Variants in NCOA2 observed in about 807,000 individuals in gnomAD.
The protein encoded by NCOA2 is class E basic helix-loop-helix protein 75.
Under a neutral mutation model 145.1 loss-of-function variants are expected in NCOA2, and 21 were observed. That is an observed-to-expected ratio of 0.14 (90% CI 0.10 to 0.21). The LOEUF (loss-of-function observed/expected upper bound fraction) is 0.21. Among genes scored for constraint, NCOA2 ranks in the 10% least tolerant of loss-of-function variants. The probability of loss-of-function intolerance (pLI) is 1.00; values close to 1 mark genes in which losing one functional copy is unlikely to be tolerated. For synonymous variants in NCOA2, 619 were observed against 637.5 expected (o/e 0.97, Z 0.44); for missense variants, 1,472 against 1,837.6 (o/e 0.80, Z 3.64).
intron 4 of NCOA2, among the ~76,000 whole-genome samples, chr8:70,212,010 G>A (rs994491376): frequency 5.3e-5 from 8 of 150,770 alleles, no homozygotes; most frequent in African/African-American, 2.0e-4. Context: ...GTTTGAAGGG[G>A]GAATTACCAA....
intron 10 of NCOA2, among the ~76,000 whole-genome samples, chr8:70,159,244 T>TATATATATATATATATATGTATATA: frequency 4.3e-5 from 3 of 69,304 alleles, no homozygotes; most frequent in African/African-American, 1.6e-4. Context: ...ATATATATAT[T>TATATATATATATATATATGTATATA]TTTTTTTTTT....
rs774576238 is a variant in NCOA2, at chr8:70,335,155, A to AAAAAAAAAAT, written c.-76-38356_-76-38355insATTTTTTTTT. Reference sequence around the variant, plus strand: ...AAAAAAAAAAAAAAAAAAAAAAAAGATCTCTCCCTATGACCATTTTCTCAG... The same window carrying AAAAAAAAAAT: ...AAAAAAAAAAAAAAAAAAAAAAAAGAAAAAAAAAATTCTCTCCCTATGACCATTTTCTCAG... On this transcript the variant is annotated intron_variant, in intron 1 of 22. Transcript: ENST00000452400. Among the ~76,000 whole-genome samples, 17 of 115,384 alleles carry AAAAAAAAAAT rather than the reference A, an allele frequency of 1.5e-4. 1 individual carries two copies. The South Asian group carries it at 3.1e-3, about 21-fold the overall frequency. 75.7% of individuals were successfully genotyped at this position (115,384 alleles called of 152,430 possible).
At chr8:70,397,940 A>G (rs1164767638) in intron 1 of NCOA2, among the ~76,000 whole-genome samples, 1 of 152,216 alleles carries the variant, frequency 6.6e-6, no homozygotes, top group Non-Finnish European at 1.5e-5. Context: ...TTAGTACTAA[A>G]GCAAATTGAA....
rs143470389 is a variant in NCOA2 at position 70,170,619 on chromosome 8, A to C, written c.364-240T>G. 8.7e-3 allele frequency among the ~76,000 whole-genome samples: 1,324 copies of C among 152,308 alleles called. 19 individuals carry two copies. Among genetic ancestry groups the C allele is most frequent in the African/African-American group, 0.03 (1,255 of 41,560 alleles). On this transcript the variant is annotated intron_variant, in intron 5 of 22. Transcript: ENST00000452400. ...AGACTAGGGTTTCTTGTCACAAACT[A>C]AACGACCAACACTAACTCCATTAAT...
intron 14 of NCOA2, among the ~76,000 whole-genome samples, chr8:70,139,242 G>C (rs952641199): frequency 3.3e-5 from 5 of 152,096 alleles, no homozygotes; most frequent in Non-Finnish European, 7.4e-5. Flanking sequence ...TGAATTAATA[G>C]CTTTTGGAGT....
chr8:70,161,224 C>T (rs1030739824), intron 9 of NCOA2, among the ~76,000 whole-genome samples: 15 of 152,194 alleles, frequency 9.9e-5, no homozygotes, highest in African/African-American at 3.6e-4. Context: ...TAGTGCAGTG[C>T]CTGATCCATC....
chr8:70,183,529 C>T (rs1404967094), intron 4 of NCOA2, among the ~76,000 whole-genome samples: 1 of 152,192 alleles, frequency 6.6e-6, no homozygotes, highest in Non-Finnish European at 1.5e-5. Flanking sequence ...GCGCAGTAAA[C>T]CTCATCTCCC....
the NCOA2 span, among the ~76,000 whole-genome samples, chr8:70,440,955 A>G: frequency 6.6e-6 from 1 of 150,652 alleles, no homozygotes; most frequent in East Asian, 1.9e-4. Flanking sequence ...AAGAAGAAAG[A>G]AAGAAAAGAA....
chr8:70,402,604 GGCCCGAGAGGGCCGGGTCCCCGT>G (rs1814410033), intron 1 of NCOA2: 1 of 151,356 alleles, frequency 6.6e-6, no homozygotes, highest in Admixed American at 6.6e-5. Context: ...ACCCCCCAGG[GGCCCGAGAGGGCCGGGTCCCCGT>G]GCCCGGGGCG....
chr8:70,403,896 G>C (rs1303683689), upstream of NCOA2: 21 of 361,158 alleles, frequency 5.8e-5, no homozygotes, highest in Admixed American at 7.9e-4. Flanking sequence ...CCGCACTTGC[G>C]GAGAGACAGA....
At chr8:70,453,075 A>T in the NCOA2 span, among the ~76,000 whole-genome samples, 1 of 152,220 alleles carries the variant, frequency 6.6e-6, no homozygotes, top group East Asian at 1.9e-4. Flanking sequence ...ATTAGTACAG[A>T]AGTGCCCCAA....
chr8:70,299,402 C>T (rs1179879113), intron 1 of NCOA2, among the ~76,000 whole-genome samples: 1 of 152,036 alleles, frequency 6.6e-6, no homozygotes, highest in Non-Finnish European at 1.5e-5. Flanking sequence ...ATAAAGGACA[C>T]ATATCTAGAA....
chr8:70,357,688 C>T (rs1324473871), intron 1 of NCOA2, among the ~76,000 whole-genome samples: 1 of 151,656 alleles, frequency 6.6e-6, no homozygotes, highest in Admixed American at 6.6e-5. Flanking sequence ...TTGCAGTGAA[C>T]CTAGATCGTG....
intron 4 of NCOA2, among the ~76,000 whole-genome samples, chr8:70,198,403 A>G (rs1817563817): frequency 6.6e-6 from 1 of 152,172 alleles, no homozygotes. Flanking sequence ...GACAGCCTGG[A>G]AAGTACAATG....
At chr8:70,352,958 T>G (rs1478437594) in intron 1 of NCOA2, among the ~76,000 whole-genome samples, 1 of 152,128 alleles carries the variant, frequency 6.6e-6, no homozygotes, top group Non-Finnish European at 1.5e-5. Flanking sequence ...AGTAGTAGCA[T>G]AACATACAGT....
At chr8:70,202,463 G>C (rs1817995396) in intron 4 of NCOA2, among the ~76,000 whole-genome samples, 1 of 152,078 alleles carries the variant, frequency 6.6e-6, no homozygotes, top group Admixed American at 6.6e-5. Context: ...ATGGATAAAT[G>C]AATAAAGAAA....
intron 1 of NCOA2, among the ~76,000 whole-genome samples, chr8:70,401,423 G>A (rs759624907): frequency 3.9e-5 from 6 of 152,040 alleles, no homozygotes; most frequent in Admixed American, 6.6e-5. Context: ...TTTTCCTGTA[G>A]ACAAATATTC....
chr8:70,165,679 T>C (rs1391856700), intron 7 of NCOA2, among the ~76,000 whole-genome samples: 3 of 152,146 alleles, frequency 2.0e-5, no homozygotes, highest in African/African-American at 7.2e-5. Flanking sequence ...TAAAACCCCC[T>C]CCATTCCCCA....
In NCOA2 at chr8:70,377,180, G is replaced by GA. The variant is rs1037196772; in HGVS notation, c.-77+26519dup. Among the ~76,000 whole-genome samples the GA allele has an allele frequency of 1.5e-4, 22 of 150,846 alleles. 1 individual carries two copies. The highest frequency in any genetic ancestry group is 5.4e-4 in the African/African-American group (22 of 41,114). On this transcript the variant is annotated intron_variant, in intron 1 of 22. Transcript: ENST00000452400. Reference sequence around the variant, plus strand: ...CCCTTAATGAGTCAAAAACCAAAATGAAAAAAATGAATGAAATATCTCTAC... The same window carrying GA: ...CCCTTAATGAGTCAAAAACCAAAATGAAAAAAAATGAATGAAATATCTCTAC...
Sources: gnomAD v4.1 joint callset for allele counts (sites outside exome capture counted in the v4.1 genomes callset) on GRCh38, gnomAD v4.1.1 for gene constraint, MANE v1.5 for transcripts, NCBI Gene and HGNC (gene_info 2026-07-23, HGNC 2026-07-21) for gene names.